The following AKAP6 variants were observed in gnomAD, a reference collection of about 807,000 sequenced individuals.
AKAP6 encodes the protein A-kinase anchoring protein 6, also known as A-kinase anchor protein 6.
AKAP6 carries 58 observed loss-of-function variants against 188.5 expected under a neutral mutation model. The ratio of observed to expected loss-of-function variants is 0.31; its 90% CI spans 0.25 to 0.38. The LOEUF is 0.38. Among genes scored for constraint, AKAP6 ranks in the 10% least tolerant of loss-of-function variants. AKAP6 has a pLI of 1.00. For missense variants in AKAP6, 2,710 were observed against 2,740.0 expected (o/e 0.99, Z 0.24); for synonymous variants, 989 against 998.6 (o/e 0.99, Z 0.18).
rs945604632 is a variant in AKAP6 at position 32,605,754 on chromosome 14, C to T, written c.2730+4962C>T. ...GTACAAATTGTGCCATGAAATGCAT[C>T]TCCAAGCACAGCAGTTATGATCATC... On this transcript the variant is annotated intron_variant, in intron 7 of 13. Coordinates refer to ENST00000280979, the MANE Select transcript of AKAP6 (RefSeq NM_004274.5). Among the ~76,000 whole-genome samples the T allele has an allele frequency of 2.6e-5, 4 of 152,266 alleles. No individual in the cohort carries two copies. The East Asian group carries it at 7.7e-4, about 29-fold the overall frequency.
At chr14:32,620,896 G>A (rs1188860506) in intron 7 of AKAP6, among the ~76,000 whole-genome samples, 1 of 151,770 alleles carries the variant, frequency 6.6e-6, no homozygotes, top group Non-Finnish European at 1.5e-5. Flanking sequence ...AGCTAGGAGG[G>A]TCATAAGTTC....
chr14:32,560,173 A>G (rs2139204269), intron 4 of AKAP6, among the ~76,000 whole-genome samples: 1 of 152,322 alleles, frequency 6.6e-6, no homozygotes, highest in Admixed American at 6.5e-5. Flanking sequence ...AAGTCAACAT[A>G]ACATTTTAAA....
intron 1 of AKAP6, among the ~76,000 whole-genome samples, chr14:32,373,823 A>T (rs1371134452): frequency 1.3e-5 from 2 of 152,180 alleles, no homozygotes; most frequent in Non-Finnish European, 2.9e-5. Flanking sequence ...CACTTCTAGA[A>T]ATAGACCAAG....
chr14:32,414,586 T>A (rs912678398), intron 1 of AKAP6, among the ~76,000 whole-genome samples: 4 of 152,206 alleles, frequency 2.6e-5, no homozygotes, highest in African/African-American at 9.6e-5. Flanking sequence ...TACAGCTGAA[T>A]GAATTGGTCT....
intron 12 of AKAP6, among the ~76,000 whole-genome samples, chr14:32,777,450 C>A (rs1406253225): frequency 6.6e-6 from 1 of 151,994 alleles, no homozygotes; most frequent in East Asian, 1.9e-4. Flanking sequence ...TATGTTCAAG[C>A]AGCTGGAAAA....
At chr14:32,422,725 G>C (rs922422410) in intron 1 of AKAP6, among the ~76,000 whole-genome samples, 2 of 151,068 alleles carry the variant, frequency 1.3e-5, no homozygotes, top group Non-Finnish European at 3.0e-5. Context: ...ATCAGGTATA[G>C]TCTAAGGGGC....
chr14:32,533,673 CA>C (rs1397645990), intron 2 of AKAP6, among the ~76,000 whole-genome samples: 1 of 152,044 alleles, frequency 6.6e-6, no homozygotes, highest in Non-Finnish European at 1.5e-5. Context: ...AAGATACAGG[CA>C]TTTATTTTGG....
At chr14:32,496,114 T>C (rs990767788) in intron 2 of AKAP6, among the ~76,000 whole-genome samples, 2 of 152,218 alleles carry the variant, frequency 1.3e-5, no homozygotes, top group Admixed American at 6.5e-5. Context: ...TAATCCAGCA[T>C]TTATTCAAAC....
chr14:32,622,228 G>A (rs1410715473), intron 7 of AKAP6, among the ~76,000 whole-genome samples: 1 of 152,008 alleles, frequency 6.6e-6, no homozygotes, highest in Admixed American at 6.6e-5. Flanking sequence ...TAATTCTGAT[G>A]ACAAGGAAAG....
At chr14:32,727,243 G>A (rs2030917948) in intron 9 of AKAP6, among the ~76,000 whole-genome samples, 1 of 152,100 alleles carries the variant, frequency 6.6e-6, no homozygotes, top group Non-Finnish European at 1.5e-5. Flanking sequence ...TCCTTATGCA[G>A]TATTTTTTAT....
rs1303668979 is a variant in AKAP6 at position 32,584,300 on chromosome 14, A to G, written c.2469+7058A>G. ...CTAATGAGCAGGTAGCATATACAGC[A>G]TAGAGATGCTGGGCAGAGGGATGAT... On this transcript the variant is annotated intron_variant, in intron 5 of 13. Transcript: ENST00000280979. Among the ~76,000 whole-genome samples, 5 of 152,326 alleles carry G rather than the reference A, an allele frequency of 3.3e-5. No individual in the cohort carries two copies. The East Asian group carries it at 9.6e-4, about 29-fold the overall frequency.
chr14:32,340,670 G>C (rs1230517016), intron 1 of AKAP6, among the ~76,000 whole-genome samples: 1 of 152,106 alleles, frequency 6.6e-6, no homozygotes, highest in African/African-American at 2.4e-5. Context: ...TAGTTCATTT[G>C]GAGTGCTATA....
chr14:32,737,432 C>T (rs536467730), intron 11 of AKAP6, among the ~76,000 whole-genome samples: 11 of 152,200 alleles, frequency 7.2e-5, no homozygotes, highest in South Asian at 4.1e-4. Flanking sequence ...ATAATAATAA[C>T]GTAATATAAT....
rs1229462119 is a variant in AKAP6 at position 32,823,735 on chromosome 14, C to T, written c.5922C>T (p.Ser1974=). 2 of 1,613,474 alleles carry T rather than the reference C, an allele frequency of 1.2e-6. No individual in the cohort carries two copies. Among genetic ancestry groups the T allele is most frequent in the African/African-American group, 1.3e-5 (1 of 74,884 alleles). ...ATCACCACCATTTTGAAAATCAAAG[C>T]ACTGCCTCTACTCCCACTGAGAAGT... ...CPNHHHFENQ[S]TASTPTEKSF... is the part of the protein sequence containing the mutation. Residue 1974 remains serine (S), a synonymous_variant, in exon 13 of 14, where the codon AGC becomes AGT. Coordinates refer to ENST00000280979, the MANE Select transcript of AKAP6 (RefSeq NM_004274.5).
intron 1 of AKAP6, among the ~76,000 whole-genome samples, chr14:32,400,782 A>G (rs1889063850): frequency 6.6e-6 from 1 of 152,070 alleles, no homozygotes; most frequent in African/African-American, 2.4e-5. Context: ...TAAAACACAG[A>G]TTGCTCTGCT....
In AKAP6 at chr14:32,569,084, G is replaced by A. The variant is rs1884340856; in HGVS notation, c.2347-8036G>A. On this transcript the variant is annotated intron_variant, in intron 4 of 13. Transcript: ENST00000280979. ...GTTGAAACCACTATAAATAGTATTT[G>A]AAGAAATTGTGGATTCAGTGTAATA... 2.6e-5 allele frequency among the ~76,000 whole-genome samples: 4 copies of A among 152,246 alleles called. No individual in the cohort carries two copies. In the South Asian group the frequency reaches 6.2e-4, roughly 24 times the overall value.
intron 12 of AKAP6, among the ~76,000 whole-genome samples, chr14:32,817,139 T>G (rs1420906160): frequency 1.3e-5 from 2 of 152,166 alleles, no homozygotes; most frequent in East Asian, 3.8e-4. Context: ...GGTAATAAAG[T>G]ATTTCTCATC....
At chr14:32,743,287 A>G (rs1418237615) in intron 11 of AKAP6, among the ~76,000 whole-genome samples, 1 of 152,094 alleles carries the variant, frequency 6.6e-6, no homozygotes, top group East Asian at 1.9e-4. Flanking sequence ...CTTGTAGGCA[A>G]CGGATCAATG....
At chr14:32,829,617 TAA>T (rs34458249) in intron 13 of AKAP6, among the ~76,000 whole-genome samples, 31 of 147,396 alleles carry the variant, frequency 2.1e-4, no homozygotes, top group African/African-American at 7.7e-4. Flanking sequence ...CACGTCTTTT[TAA>T]AAAAAAAAAA....
Sources: gnomAD v4.1 joint callset for allele counts (sites outside exome capture counted in the v4.1 genomes callset) on GRCh38, gnomAD v4.1.1 for gene constraint, MANE v1.5 for transcripts, NCBI Gene and HGNC (gene_info 2026-07-23, HGNC 2026-07-21) for gene names.